Variants in PDSS2 observed in about 807,000 individuals in gnomAD.
PDSS2 encodes decaprenyl diphosphate synthase subunit 2, also known as all trans-polyprenyl-diphosphate synthase PDSS2.
PDSS2 carries 31 observed loss-of-function variants against 44.5 expected under a neutral mutation model. The observed-to-expected ratio is 0.70, with a 90% CI of 0.52 to 0.94. PDSS2 has a LOEUF of 0.94. Among genes scored for constraint, PDSS2 ranks in the 40% least tolerant of loss-of-function variants. The pLI is 0.00. For missense variants in PDSS2, 452 were observed against 482.2 expected (o/e 0.94, Z 0.59); for synonymous variants, 157 against 180.3 (o/e 0.87, Z 1.03).
At chr6:107,338,178 A>AAAAC (rs1263371247) in intron 1 of PDSS2, among the ~76,000 whole-genome samples, 6 of 152,242 alleles carry the variant, frequency 3.9e-5, no homozygotes, top group Admixed American at 3.3e-4. Context: ...GAGCAAATAA[A>AAAAC]AAACAAACAA....
chr6:107,256,116 G>A (rs1017956562), intron 3 of PDSS2, among the ~76,000 whole-genome samples: 2 of 151,950 alleles, frequency 1.3e-5, no homozygotes, highest in South Asian at 2.1e-4. Context: ...TCAGCCTCCC[G>A]AGTAGCTGGG....
intron 1 of PDSS2, among the ~76,000 whole-genome samples, chr6:107,335,313 G>A (rs188116320): frequency 3.2e-4 from 48 of 152,208 alleles, no homozygotes; most frequent in African/African-American, 1.1e-3. Flanking sequence ...GTTTTAAACC[G>A]GTTTGTGACA....
intron 2 of PDSS2, among the ~76,000 whole-genome samples, chr6:107,316,517 T>C (rs1244649250): frequency 6.6e-6 from 1 of 152,178 alleles, no homozygotes; most frequent in African/African-American, 2.4e-5. Context: ...GTCTACAATA[T>C]GGCAGATTCC....
intron 1 of PDSS2, among the ~76,000 whole-genome samples, chr6:107,405,804 G>T (rs906344171): frequency 7.0e-6 from 1 of 143,194 alleles, no homozygotes; most frequent in Admixed American, 7.3e-5. Flanking sequence ...CCGAGATCCC[G>T]CCACTGCACT....
At chr6:107,235,491 A>C (rs1022967708) in intron 4 of PDSS2, among the ~76,000 whole-genome samples, 3 of 152,200 alleles carry the variant, frequency 2.0e-5, no homozygotes, top group Non-Finnish European at 4.4e-5. Flanking sequence ...CCTTAGACTA[A>C]ATGCTATTCC....
Position 107,371,849 on chromosome 6 carries a change from C to A in PDSS2, c.297-37517G>T, listed in dbSNP as rs547509095. Among the ~76,000 whole-genome samples the A allele has an allele frequency of 2.6e-5, 4 of 152,304 alleles. No homozygotes were observed. In the South Asian group the frequency reaches 8.3e-4, roughly 32 times the overall value. On this transcript the variant is annotated intron_variant, in intron 1 of 7. Transcript: ENST00000369037. ...GCCTAATAGCTGTTGAGTTCCTATT[C>A]TAATGCTGGCATGTGCTAGGAATAT...
At chr6:107,452,246 T>C (rs1025691083) in intron 1 of PDSS2, among the ~76,000 whole-genome samples, 3 of 149,328 alleles carry the variant, frequency 2.0e-5, no homozygotes, top group Non-Finnish European at 4.5e-5. Context: ...AGAGAGTTCT[T>C]TTTTTTTTTG....
chr6:107,207,243 C>T (rs1473801056), intron 6 of PDSS2, among the ~76,000 whole-genome samples: 1 of 152,064 alleles, frequency 6.6e-6, no homozygotes, highest in Non-Finnish European at 1.5e-5. Flanking sequence ...CCGCCTGCCT[C>T]GGCCTCCCAA....
At chr6:107,314,567 T>C (rs1777143843) in intron 2 of PDSS2, among the ~76,000 whole-genome samples, 1 of 152,166 alleles carries the variant, frequency 6.6e-6, no homozygotes, top group African/African-American at 2.4e-5. Flanking sequence ...CTATCCAAAA[T>C]AATCATGCTG....
At chr6:107,171,444 GA>G (rs2114380228) in intron 7 of PDSS2, among the ~76,000 whole-genome samples, 1 of 152,216 alleles carries the variant, frequency 6.6e-6, no homozygotes, top group African/African-American at 2.4e-5. Context: ...TAACAGGTGT[GA>G]ACCATCACAA....
intron 2 of PDSS2, among the ~76,000 whole-genome samples, chr6:107,278,932 A>C (rs535272763): frequency 1.3e-5 from 2 of 152,166 alleles, no homozygotes. Flanking sequence ...AACAAATGAC[A>C]ATTTAAAACA....
intron 7 of PDSS2, among the ~76,000 whole-genome samples, chr6:107,180,284 A>G (rs1771926687): frequency 6.6e-6 from 1 of 152,184 alleles, no homozygotes; most frequent in Non-Finnish European, 1.5e-5. Flanking sequence ...CACAGTGCAG[A>G]GCATCCACCC....
At chr6:107,168,837 G>A (rs149612267) in intron 7 of PDSS2, among the ~76,000 whole-genome samples, 8 of 152,096 alleles carry the variant, frequency 5.3e-5, no homozygotes, top group Non-Finnish European at 7.3e-5. Flanking sequence ...GGTTTCTGCC[G>A]AGAGATCCGC....
At position 107,237,740 on chromosome 6, in the gene PDSS2, T is replaced by TA. The variant is rs1460979088; in HGVS notation, c.702+7807dup. On this transcript the variant is annotated intron_variant, in intron 4 of 7. Transcript: ENST00000369037. ...ACATACACTAAAACCCCACCTCTAA[T>TA]AAAAAAAATACAAGGCGCTGTGGTG... 4.0e-5 allele frequency among the ~76,000 whole-genome samples: 6 copies of TA among 150,226 alleles called. No individual in the cohort carries two copies. The East Asian group carries it at 1.0e-3, about 25-fold the overall frequency.
chr6:107,441,431 G>A (rs1490300458), intron 1 of PDSS2, among the ~76,000 whole-genome samples: 4 of 152,104 alleles, frequency 2.6e-5, no homozygotes, highest in Admixed American at 1.3e-4. Context: ...GCGTGTCCAC[G>A]GTTTTTTGGT....
intron 7 of PDSS2, among the ~76,000 whole-genome samples, chr6:107,158,186 C>CTTT (rs35734800): frequency 7.3e-6 from 1 of 136,734 alleles, no homozygotes; most frequent in Non-Finnish European, 1.6e-5. Context: ...GGTTTTCTTT[C>CTTT]TTTTTTTTTT....
intron 1 of PDSS2, among the ~76,000 whole-genome samples, chr6:107,456,569 A>C (rs1179597855): frequency 6.6e-6 from 1 of 152,200 alleles, no homozygotes; most frequent in Non-Finnish European, 1.5e-5. Flanking sequence ...ATTTCATTTT[A>C]TTTTGAGACA....
rs1028928199 is a variant in PDSS2 at position 107,342,598 on chromosome 6, T to C, written c.297-8266A>G. Among the ~76,000 whole-genome samples, 17 of 152,314 alleles carry C rather than the reference T, an allele frequency of 1.1e-4. 1 individual carries two copies. The highest frequency in any genetic ancestry group is 3.4e-4 in the African/African-American group (14 of 41,570). On this transcript the variant is annotated intron_variant, in intron 1 of 7. Transcript: ENST00000369037. ...AATATTTATGTGTTTTGTTTCTTCA[T>C]TTAGGAGAACTGACTGAATTGACTG...
chr6:107,300,892 AC>A (rs910372065), intron 2 of PDSS2, among the ~76,000 whole-genome samples: 2 of 151,656 alleles, frequency 1.3e-5, no homozygotes, highest in Non-Finnish European at 2.9e-5. Context: ...TTATTCATTA[AC>A]CCCCCCAACA....
Sources: gnomAD v4.1 joint callset for allele counts (sites outside exome capture counted in the v4.1 genomes callset) on GRCh38, gnomAD v4.1.1 for gene constraint, MANE v1.5 for transcripts, NCBI Gene and HGNC (gene_info 2026-07-23, HGNC 2026-07-21) for gene names.